ZXDB: variants seen among roughly 807,000 people sequenced by gnomAD.
The protein encoded by ZXDB is zinc finger X-linked duplicated B, also known as zinc finger X-linked protein ZXDB.
For synonymous variants in ZXDB, 273 were observed against 314.3 expected (o/e 0.87, Z 1.39); for missense variants, 413 against 679.1 (o/e 0.61, Z 4.36).
chrX:57,592,369 G>C lies in ZXDB; in HGVS notation c.321G>C (p.Ala107=). The change falls in exon 1 of 1, where the codon GCG becomes GCC. Residue 107 remains alanine, a synonymous_variant. Coordinates refer to ENST00000374888, the MANE Select transcript of ZXDB (RefSeq NM_007157.4). ...LDPVGGDVET[A]GSGQAAGPVL... Reference sequence around the variant, plus strand: ...CGGTGGGTGGCGACGTGGAGACCGCGGGCTCCGGTCAGGCCGCAGGGCCTG... The same window carrying C: ...CGGTGGGTGGCGACGTGGAGACCGCCGGCTCCGGTCAGGCCGCAGGGCCTG... 8.4e-6 allele frequency: 10 copies of C among 1,190,470 alleles called. No homozygotes were observed. The highest frequency in any genetic ancestry group is 1.1e-5 in the Non-Finnish European group (10 of 889,068).
Position 57,593,104 on chromosome X carries a change from G to A in ZXDB, c.1056G>A (p.Lys352=). 2 of 1,211,820 alleles carry A rather than the reference G, an allele frequency of 1.7e-6. No individual in the cohort carries two copies. The highest frequency in any genetic ancestry group is 2.2e-6 in the Non-Finnish European group (2 of 895,526). The part of the protein sequence containing the change: ...GKSFTTVYNL[K]AHMKGHEQEN... Reference sequence around the variant, plus strand: ...GCTTCACCACAGTGTACAACCTCAAGGCGCACATGAAGGGCCATGAGCAGG... The same window carrying A: ...GCTTCACCACAGTGTACAACCTCAAAGCGCACATGAAGGGCCATGAGCAGG... The change falls in exon 1 of 1, where the codon AAG becomes AAA. Residue 352 remains lysine, a synonymous_variant. Coordinates refer to ENST00000374888, the MANE Select transcript of ZXDB (RefSeq NM_007157.4).
Position 57,593,437 on chromosome X carries a change from G to C in ZXDB, c.1389G>C (p.Trp463Cys). The C allele has an allele frequency of 8.3e-7, 1 of 1,211,724 alleles. No individual in the cohort carries two copies. The highest frequency in any genetic ancestry group is 1.1e-6 in the Non-Finnish European group (1 of 895,474). ...TTTGTGACTTTGATGGCTGTGGCTG[G>C]AACTTCACTAGCATGTCCAAACTCT... ...PFLCDFDGCG[W>C]NFTSMSKLLR... Residue 463 changes from tryptophan to cysteine, a missense_variant, in exon 1 of 1, where the codon TGG (tryptophan) becomes TGC (cysteine). Trp to Cys is a radical substitution (Grantham distance 215). Transcript: ENST00000374888.
rs183123679 is a variant in ZXDB at position 57,595,795 on chromosome X, T to A, written c.*1335T>A. 4.1e-5 allele frequency: 5 copies of A among 123,442 alleles called. No homozygotes were observed. Among genetic ancestry groups the A allele is most frequent in the Non-Finnish European group, 7.5e-5 (4 of 53,300 alleles). 10.2% of individuals were successfully genotyped at this position (123,442 alleles called of 1,213,427 possible). A position where few individuals can be genotyped will look rare whatever the true frequency, so the allele number is the denominator to read the frequency against. ...GACCCAGGGCTAAATTTTGGCTCTG[T>A]GGTGTTGGATAAGTGGCCTTGAATA... is the stretch of plus-strand genomic sequence containing the variant. On this transcript the variant is annotated 3_prime_UTR_variant, in exon 1 of 1. Coordinates refer to ENST00000374888, the MANE Select transcript of ZXDB (RefSeq NM_007157.4).
In ZXDB at chrX:57,596,166, A is replaced by G. The variant is rs980635075; in HGVS notation, c.*1706A>G. 4 of 123,131 alleles carry G rather than the reference A, an allele frequency of 3.2e-5. No homozygotes were observed. Among genetic ancestry groups the G allele is most frequent in the African/African-American group, 1.3e-4 (4 of 30,696 alleles). The allele number at this position is 123,131 out of a possible 1,213,427, so 10.1% of individuals were successfully genotyped here. Reference sequence around the variant, plus strand: ...TCTAAGAATTGCTGTGGGTAATACCAGGAGTGGGGACATTGCCCACATGCA... The same window carrying G: ...TCTAAGAATTGCTGTGGGTAATACCGGGAGTGGGGACATTGCCCACATGCA... On this transcript the variant is annotated 3_prime_UTR_variant, in exon 1 of 1. Coordinates refer to ENST00000374888, the MANE Select transcript of ZXDB (RefSeq NM_007157.4).
In ZXDB at chrX:57,592,027, G is replaced by T. The variant is rs972563458; in HGVS notation, c.-22G>T. The T allele has an allele frequency of 2.9e-6, 3 of 1,021,673 alleles. No individual in the cohort carries two copies. The highest frequency in any genetic ancestry group is 3.7e-6 in the Non-Finnish European group (3 of 803,665). The allele number at this position is 1,021,673 out of a possible 1,213,427, so 84.2% of individuals were successfully genotyped here. ...CGCCTCCTCCTCGGCTCTGGTTCCA[G>T]CCGAGCCTCTCGGACGCAGAGATGG... On this transcript the variant is annotated 5_prime_UTR_variant, in exon 1 of 1. Coordinates refer to ENST00000374888, the MANE Select transcript of ZXDB (RefSeq NM_007157.4).
rs758246907 is a variant in ZXDB at position 57,592,367 on chromosome X, G to T, written c.319G>T (p.Ala107Ser). 8 of 1,190,114 alleles carry T rather than the reference G, an allele frequency of 6.7e-6. No individual in the cohort carries two copies. Among genetic ancestry groups the T allele is most frequent in the Non-Finnish European group, 6.7e-6 (6 of 888,896 alleles). The part of the protein sequence containing the change: ...LDPVGGDVET[A>S]GSGQAAGPVL... Reference sequence around the variant, plus strand: ...CCCGGTGGGTGGCGACGTGGAGACCGCGGGCTCCGGTCAGGCCGCAGGGCC... The same window carrying T: ...CCCGGTGGGTGGCGACGTGGAGACCTCGGGCTCCGGTCAGGCCGCAGGGCC... The change falls in exon 1 of 1, where the codon GCG (alanine) becomes TCG (serine). Residue 107 changes from alanine (A) to serine (S), a missense_variant. Ala to Ser is a moderately conservative substitution (Grantham distance 99, BLOSUM62 1). Coordinates refer to ENST00000374888, the MANE Select transcript of ZXDB (RefSeq NM_007157.4).
rs1206046237 is a variant in ZXDB at position 57,594,589 on chromosome X, A to G, written c.*129A>G. Reference sequence around the variant, plus strand: ...CAAAAAGAGCACAGCCCTGGACTACAAGTTTGGAGATTTAAATTCTGATCT... The same window carrying G: ...CAAAAAGAGCACAGCCCTGGACTACGAGTTTGGAGATTTAAATTCTGATCT... On this transcript the variant is annotated 3_prime_UTR_variant, in exon 1 of 1. Coordinates refer to ENST00000374888, the MANE Select transcript of ZXDB (RefSeq NM_007157.4). 4 of 866,224 alleles carry G rather than the reference A, an allele frequency of 4.6e-6. No homozygotes were observed. Among genetic ancestry groups the G allele is most frequent in the African/African-American group, 2.1e-5 (1 of 48,710 alleles). The allele number at this position is 866,224 out of a possible 1,213,427, so 71.4% of individuals were successfully genotyped here.
chrX:57,592,366 C>A lies in ZXDB; in HGVS notation c.318C>A (p.Thr106=), dbSNP rs778428378. 4 of 1,190,325 alleles carry A rather than the reference C, an allele frequency of 3.4e-6. No individual in the cohort carries two copies. In the East Asian group the frequency reaches 1.2e-4, roughly 37 times the overall value. Residue 106 remains threonine, a synonymous_variant, in exon 1 of 1, where the codon ACC becomes ACA. Coordinates refer to ENST00000374888, the MANE Select transcript of ZXDB (RefSeq NM_007157.4). ...ACCCGGTGGGTGGCGACGTGGAGAC[C>A]GCGGGCTCCGGTCAGGCCGCAGGGC... ...LLDPVGGDVE[T]AGSGQAAGPV...
rs762823700 is a variant in ZXDB at position 57,592,292 on chromosome X, AGCG to A, written c.266_268del (p.Gly89del). On this transcript the variant is annotated inframe_deletion, in exon 1 of 1. Coordinates refer to ENST00000374888, the MANE Select transcript of ZXDB (RefSeq NM_007157.4). ...GTTGGCGCCGAGGACCGATCAACCT[AGCG>A]GCGGCGGCGGCGGCGGCGGCGACGA... 1.1e-4 allele frequency: 135 copies of A among 1,180,477 alleles called. No homozygotes were observed. The highest frequency in any genetic ancestry group is 6.5e-4 in the Middle Eastern group (2 of 3,058).
rs2057901408 is a variant in ZXDB at position 57,593,305 on chromosome X, G to A, written c.1257G>A (p.Arg419=). 8.3e-7 allele frequency: 1 copy of A among 1,211,459 alleles called. No homozygotes were observed. Among genetic ancestry groups the A allele is most frequent in the Non-Finnish European group, 1.1e-6 (1 of 895,399 alleles). Residue 419 remains arginine (R), a synonymous_variant, in exon 1 of 1, where the codon AGG becomes AGA. Transcript: ENST00000374888. ...TTTCCCATAACCGCGCCCATTTCAGGGAACAGGAACTGTTTTCCTGCTCTT... is the reference window on the plus strand; with the variant it reads ...TTTCCCATAACCGCGCCCATTTCAGAGAACAGGAACTGTTTTCCTGCTCTT... ...ALFSHNRAHF[R]EQELFSCSFP...
Position 57,592,879 on chromosome X carries a change from G to A in ZXDB, c.831G>A (p.Gln277=). Residue 277 remains glutamine (Q), a synonymous_variant, in exon 1 of 1, where the codon CAG becomes CAA. Transcript: ENST00000374888. ...GVVLYLCPEA[Q]CGQTFAKKHQ... ...TGCTGTACTTGTGCCCCGAGGCGCA[G>A]TGCGGGCAAACCTTCGCCAAGAAGC... The A allele has an allele frequency of 8.4e-7, 1 of 1,184,394 alleles. No individual in the cohort carries two copies. Among genetic ancestry groups the A allele is most frequent in the East Asian group, 3.1e-5 (1 of 32,429 alleles).
In ZXDB at chrX:57,594,807, T is replaced by A. The variant is rs969430136; in HGVS notation, c.*347T>A. ...TTTTTCAGTGATGTGGCATGCGTTT[T>A]TTTTTAACTGCCCCCCCAGCCCTGA... On this transcript the variant is annotated 3_prime_UTR_variant, in exon 1 of 1. Transcript: ENST00000374888. The A allele has an allele frequency of 1.2e-5, 2 of 172,190 alleles. No individual in the cohort carries two copies. The highest frequency in any genetic ancestry group is 6.2e-5 in the African/African-American group (2 of 32,147). The allele number at this position is 172,190 out of a possible 1,213,427, so 14.2% of individuals were successfully genotyped here.
In ZXDB at chrX:57,596,837, T is replaced by C. The variant is rs2057912201; in HGVS notation, c.*2377T>C. ...ACATTCTCCTCATGGCACATTTTCT[T>C]CAAATGCTAACATTTACTGAGTGTA... On this transcript the variant is annotated 3_prime_UTR_variant, in exon 1 of 1. Coordinates refer to ENST00000374888, the MANE Select transcript of ZXDB (RefSeq NM_007157.4). 8.1e-6 allele frequency: 1 copy of C among 123,243 alleles called. No homozygotes were observed. The highest frequency in any genetic ancestry group is 3.7e-4 in the South Asian group (1 of 2,694). 10.2% of individuals were successfully genotyped at this position (123,243 alleles called of 1,213,427 possible).
Position 57,594,686 on chromosome X carries a change from T to A in ZXDB, c.*226T>A. The A allele has an allele frequency of 2.5e-6, 1 of 399,064 alleles. No individual in the cohort carries two copies. The highest frequency in any genetic ancestry group is 4.3e-6 in the Non-Finnish European group (1 of 234,319). The allele number at this position is 399,064 out of a possible 1,213,427, so 32.9% of individuals were successfully genotyped here. On this transcript the variant is annotated 3_prime_UTR_variant, in exon 1 of 1. Transcript: ENST00000374888. The stretch of plus-strand genomic sequence containing the variant: ...CCTATCTGAGCCTTAATTTCCTTAT[T>A]TATAAATTGAGGTGGTTTGAATAGA...
At position 57,592,479 on chromosome X, in the gene ZXDB, C is replaced by T; in HGVS notation, c.431C>T (p.Pro144Leu). The change falls in exon 1 of 1, where the codon CCC (proline) becomes CTC (leucine). Residue 144 changes from proline (P) to leucine (L), a missense_variant. By Grantham distance (98) the Pro-to-Leu change is moderately conservative. Coordinates refer to ENST00000374888, the MANE Select transcript of ZXDB (RefSeq NM_007157.4). ...CCCGCGGGGCCCACTGCGCTAGGCC[C>T]CCGCTGCCTGTCCGCGGTTCCCACT... ...ANPAGPTALG[P>L]RCLSAVPTPA... 8.5e-7 allele frequency: 1 copy of T among 1,182,752 alleles called. No homozygotes were observed. The highest frequency in any genetic ancestry group is 1.1e-6 in the Non-Finnish European group (1 of 882,964).
chrX:57,592,835 G>C lies in ZXDB; in HGVS notation c.787G>C (p.Gly263Arg). Reference sequence around the variant, plus strand: ...CGCCCTGGGCCCCCGCGGACCGCTGGGCTCCGGCCCAGGCGTGGTGCTGTA... The same window carrying C: ...CGCCCTGGGCCCCCGCGGACCGCTGCGCTCCGGCCCAGGCGTGGTGCTGTA... ...AAALGPRGPL[G>R]SGPGVVLYLC... Residue 263 changes from glycine (G) to arginine (R), a missense_variant, in exon 1 of 1, where the codon GGC (glycine) becomes CGC (arginine). Gly to Arg is a moderately radical substitution (Grantham distance 125). Coordinates refer to ENST00000374888, the MANE Select transcript of ZXDB (RefSeq NM_007157.4). 9 of 1,159,697 alleles carry C rather than the reference G, an allele frequency of 7.8e-6. No homozygotes were observed. Among genetic ancestry groups the C allele is most frequent in the Non-Finnish European group, 1.0e-5 (9 of 871,851 alleles).
In ZXDB at chrX:57,593,746, G is replaced by A. The variant is rs1223722127; in HGVS notation, c.1698G>A (p.Thr566=). 1.7e-6 allele frequency: 2 copies of A among 1,209,322 alleles called. No individual in the cohort carries two copies. The highest frequency in any genetic ancestry group is 4.4e-5 in the Admixed American group (2 of 45,874). The change falls in exon 1 of 1, where the codon ACG becomes ACA. Residue 566 remains threonine, a synonymous_variant. Transcript: ENST00000374888. The part of the protein sequence containing the change: ...KLFTSKHSMK[T]HMVKRHKVGQ... ...TCACATCCAAGCACAGCATGAAGAC[G>A]CACATGGTTAAAAGGCATAAGGTGG...
In ZXDB at chrX:57,596,436, A is replaced by G. The variant is rs1473513069; in HGVS notation, c.*1976A>G. On this transcript the variant is annotated 3_prime_UTR_variant, in exon 1 of 1. Coordinates refer to ENST00000374888, the MANE Select transcript of ZXDB (RefSeq NM_007157.4). ...TCTTACATTAGTGTAGCATTTTGCA[A>G]TTTGGGGAACATCTTCACAATTTGT... The G allele has an allele frequency of 1.6e-5, 2 of 123,277 alleles. No individual in the cohort carries two copies. The highest frequency in any genetic ancestry group is 3.2e-5 in the African/African-American group (1 of 30,798). 10.2% of individuals were successfully genotyped at this position (123,277 alleles called of 1,213,427 possible).
At position 57,594,087 on chromosome X, in the gene ZXDB, T is replaced by C. The variant is rs750396721; in HGVS notation, c.2039T>C (p.Phe680Ser). 8.6e-7 allele frequency: 1 copy of C among 1,162,996 alleles called. No homozygotes were observed. The highest frequency in any genetic ancestry group is 1.9e-5 in the African/African-American group (1 of 52,841). ...CCTCAAAGTCTGGATACCTCTCTCT[T>C]TTTTGGAACGGCGGCCACTGGTTTT... Reference protein sequence around the residue: ...DPPQSLDTSLFFGTAATGFQQ... With the variant: ...DPPQSLDTSLSFGTAATGFQQ... Residue 680 changes from phenylalanine to serine, a missense_variant, in exon 1 of 1, where the codon TTT (phenylalanine) becomes TCT (serine). Physicochemically the swap from Phe to Ser is radical, Grantham distance 155 (BLOSUM62 -2). Transcript: ENST00000374888.
Sources: allele counts gnomAD v4.1 joint callset, GRCh38; gene constraint gnomAD v4.1.1; transcripts MANE v1.5; gene names NCBI Gene and HGNC (gene_info 2026-07-23, HGNC 2026-07-21).